Variants in CDCA7 observed in about 807,000 individuals in gnomAD.
CDCA7 encodes the protein cell division cycle associated 7.
CDCA7 carries 28 observed loss-of-function variants against 54.0 expected under a neutral mutation model. That is an observed-to-expected ratio of 0.52 (90% CI 0.38 to 0.71). The LOEUF is 0.71. CDCA7 is among the 30% of genes least tolerant of loss of function. CDCA7 has a pLI of 0.00. For synonymous variants in CDCA7, 180 were observed against 208.2 expected (o/e 0.86, Z 1.16); for missense variants, 484 against 586.0 (o/e 0.83, Z 1.80).
In CDCA7 at chr2:173,354,970, G is replaced by A. The variant is rs573838501; in HGVS notation, c.7G>A (p.Ala3Thr). The change falls in exon 1 of 10, where the codon GCT (alanine) becomes ACT (threonine). Residue 3 changes from alanine (A) to threonine (T), a missense_variant. Physicochemically the swap from Ala to Thr is moderately conservative, Grantham distance 58 (BLOSUM62 0). Transcript: ENST00000306721. MD[A>T]RRVPQKDLRV... ...CTGGGCACCCGCCACCAGCATGGAC[G>A]CTCGCCGCGTGCCGGTGAGGGCTGG... The A allele has an allele frequency of 1.4e-6, 2 of 1,448,868 alleles. No individual in the cohort carries two copies. Among genetic ancestry groups the A allele is most frequent in the Non-Finnish European group, 1.8e-6 (2 of 1,108,774 alleles). 89.8% of individuals were successfully genotyped at this position (1,448,868 alleles called of 1,614,324 possible).
chr2:173,360,363 A>G (rs1253179313), intron 3 of CDCA7, among the ~76,000 whole-genome samples: 1 of 152,214 alleles, frequency 6.6e-6, no homozygotes, highest in Admixed American at 6.5e-5. Flanking sequence ...TTCTTTGAAG[A>G]TACTGTCATG....
Position 173,366,579 on chromosome 2 carries a change from G to A in CDCA7, c.1185+147G>A, listed in dbSNP as rs899684198. On this transcript the variant is annotated intron_variant, in intron 8 of 9. Transcript: ENST00000306721. This position sits in a 1 kb window ranked among gnomAD's most constrained non-coding sequence, Gnocchi z 4.5. Reference sequence around the variant, plus strand: ...TTTTAAGATGGAGTCTCATTCTGTCGCCAGGCTGCAGTGCAGTGGCGCGAT... The same window carrying A: ...TTTTAAGATGGAGTCTCATTCTGTCACCAGGCTGCAGTGCAGTGGCGCGAT... 433 of 1,123,280 alleles carry A rather than the reference G, an allele frequency of 3.9e-4. 1 individual carries two copies. The highest frequency in any genetic ancestry group is 1.1e-4 in the Admixed American group (4 of 36,152). 69.6% of individuals were successfully genotyped at this position (1,123,280 alleles called of 1,614,324 possible). A position where few individuals can be genotyped will look rare whatever the true frequency, so the allele number is the denominator to read the frequency against.
intron 3 of CDCA7, 121 bp downstream of exon 3, chr2:173,359,612 T>G (rs1202988126): frequency 7.3e-6 from 6 of 821,404 alleles, no homozygotes; most frequent in African/African-American, 1.7e-5. Context: ...TGTTGACCTT[T>G]TAAAAATTTT....
intron 3 of CDCA7, among the ~76,000 whole-genome samples, chr2:173,361,329 G>T (rs1158581006): frequency 6.6e-6 from 1 of 152,140 alleles, no homozygotes; most frequent in Non-Finnish European, 1.5e-5. Context: ...GGGTCATGTA[G>T]TAACTGTTTA....
chr2:173,365,641 A>G, intron 7 of CDCA7, 49 bp downstream of exon 7: 4 of 1,597,034 alleles, frequency 2.5e-6, no homozygotes, highest in Non-Finnish European at 2.6e-6. Context: ...TGTGAGAGGA[A>G]GAGAGCTTCT....
intron 3 of CDCA7, among the ~76,000 whole-genome samples, chr2:173,362,817 A>G (rs1322311191): frequency 6.6e-6 from 1 of 151,912 alleles, no homozygotes; most frequent in East Asian, 1.9e-4. Flanking sequence ...GGCTCAAGTG[A>G]TTCACCCGCC....
chr2:173,355,669 ACCCCCCAC>A, intron 1 of CDCA7, among the ~76,000 whole-genome samples: 1 of 66,892 alleles, frequency 1.5e-5, no homozygotes, highest in East Asian at 5.4e-4. Flanking sequence ...CCAACCCCCA[ACCCCCCAC>A]CCCCCACCCC....
At chr2:173,357,261 T>C (rs1477931636) in intron 1 of CDCA7, among the ~76,000 whole-genome samples, 1 of 152,218 alleles carries the variant, frequency 6.6e-6, no homozygotes, top group African/African-American at 2.4e-5. Flanking sequence ...CTGTTCAGTA[T>C]TTATGAATGA....
chr2:173,363,366 G>T lies in CDCA7; in HGVS notation c.525G>T (p.Glu175Asp). Reference protein sequence around the residue: ...NKKAESRQPSENSVTDSNSDS... With the variant: ...NKKAESRQPSDNSVTDSNSDS... ...AAGCAGAGTCCCGCCAGCCCTCAGA[G>T]AATTCTGTGACTGATTCCAACTCCG... is the stretch of plus-strand genomic sequence containing the variant. Residue 175 changes from glutamate (E) to aspartate (D), a missense_variant, in exon 4 of 10, where the codon GAG becomes GAT. By Grantham distance (45) the Glu-to-Asp change is conservative. Coordinates refer to ENST00000306721, the MANE Select transcript of CDCA7 (RefSeq NM_031942.5). 6.2e-7 allele frequency: 1 copy of T among 1,614,176 alleles called. No homozygotes were observed. The highest frequency in any genetic ancestry group is 1.1e-5 in the South Asian group (1 of 91,078).
Position 173,359,416 on chromosome 2 carries a change from G to C in CDCA7, c.309G>C (p.Leu103=), listed in dbSNP as rs775114085. ...CAAGGCCAGATGTCACTAACGAACT[G>C]GCCGGTATTTTTCATGCCGACTCTG... The part of the protein sequence containing the change: ...QKPRPDVTNE[L]AGIFHADSDD... Residue 103 remains leucine, a synonymous_variant, in exon 3 of 10, where the codon CTG becomes CTC. Transcript: ENST00000306721. 2 of 1,614,002 alleles carry C rather than the reference G, an allele frequency of 1.2e-6. No homozygotes were observed. Among genetic ancestry groups the C allele is most frequent in the Non-Finnish European group, 1.7e-6 (2 of 1,180,034 alleles).
chr2:173,357,130 T>C (rs936833663), intron 1 of CDCA7, among the ~76,000 whole-genome samples: 1 of 152,188 alleles, frequency 6.6e-6, no homozygotes, highest in Non-Finnish European at 1.5e-5. Flanking sequence ...ATTTAAGGAA[T>C]AAAAACACAG....
rs1442713791 is a variant in CDCA7, at chr2:173,358,837, G to A, written c.147G>A (p.Thr49=). 7 of 1,611,944 alleles carry A rather than the reference G, an allele frequency of 4.3e-6. No homozygotes were observed. The highest frequency in any genetic ancestry group is 2.2e-5 in the East Asian group (1 of 44,844). ...DSFASDNFAN[T]KPKFRSDISE... ...TTGCTTCTGATAATTTTGCAAACAC[G>A]GTAAGTGCTGCCTGAGAATAAACAG... Residue 49 remains threonine, a splice_region_variant and synonymous_variant, in exon 2 of 10, where the codon ACG becomes ACA. Coordinates refer to ENST00000306721, the MANE Select transcript of CDCA7 (RefSeq NM_031942.5).
At position 173,363,342 on chromosome 2, in the gene CDCA7, A is replaced by G. The variant is rs1686659859; in HGVS notation, c.501A>G (p.Lys167=). The G allele has an allele frequency of 1.2e-6, 2 of 1,614,078 alleles. No individual in the cohort carries two copies. Among genetic ancestry groups the G allele is most frequent in the Admixed American group, 3.3e-5 (2 of 59,998 alleles). The change falls in exon 4 of 10, where the codon AAA becomes AAG. Residue 167 remains lysine (K), a synonymous_variant. Transcript: ENST00000306721. The part of the protein sequence containing the change: ...ARSTRGATNK[K]AESRQPSENS... ...GTACCAGGGGAGCAACCAACAAAAA[A>G]GCAGAGTCCCGCCAGCCCTCAGAGA...
chr2:173,359,344 A>T lies in CDCA7; in HGVS notation c.237A>T (p.Glu79Asp). The T allele has an allele frequency of 6.2e-7, 1 of 1,614,218 alleles. No individual in the cohort carries two copies. The highest frequency in any genetic ancestry group is 1.1e-5 in the South Asian group (1 of 91,082). ...SDNESFCGFS[E>D]SEVQDVLDHC... ...ATGAATCTTTCTGCGGCTTTTCAGA[A>T]AGTGAGGTGCAAGATGTATTAGACC... Residue 79 changes from glutamate (E) to aspartate (D), a missense_variant, in exon 3 of 10, where the codon GAA becomes GAT. By Grantham distance (45) the Glu-to-Asp change is conservative. Around this residue, in one of 3 missense-constraint regions of CDCA7, gnomAD observed 398 missense variants for 447.4 expected, o/e 0.89. Coordinates refer to ENST00000306721, the MANE Select transcript of CDCA7 (RefSeq NM_031942.5).
At chr2:173,363,674 G>C (rs1331815750) in intron 4 of CDCA7, 144 bp from the exon 5 acceptor site, 3 of 952,874 alleles carry the variant, frequency 3.1e-6, no homozygotes, top group Non-Finnish European at 4.8e-6. Flanking sequence ...TAAGTGTATA[G>C]GGGAAATCAG....
At chr2:173,358,073 G>A (rs1339330535) in intron 1 of CDCA7, among the ~76,000 whole-genome samples, 4 of 151,938 alleles carry the variant, frequency 2.6e-5, no homozygotes, top group African/African-American at 4.8e-5. Flanking sequence ...GGTGGCGGGC[G>A]CCTGTAATCC....
chr2:173,357,514 G>A (rs1055356418), intron 1 of CDCA7, among the ~76,000 whole-genome samples: 3 of 152,110 alleles, frequency 2.0e-5, no homozygotes, highest in African/African-American at 4.8e-5. Flanking sequence ...AATCACGATA[G>A]CCCTCTTGAT....
intron 5 of CDCA7, 171 bp downstream of exon 5, chr2:173,364,066 C>A: frequency 1.8e-6 from 1 of 568,178 alleles, no homozygotes; most frequent in Non-Finnish European, 3.0e-6. Flanking sequence ...GAATCCTGGG[C>A]AGTTTGGTCT....
chr2:173,359,891 G>T (rs2106388903), intron 3 of CDCA7, among the ~76,000 whole-genome samples: 1 of 152,322 alleles, frequency 6.6e-6, no homozygotes, highest in South Asian at 2.1e-4. Context: ...ATCTGTGGCT[G>T]CATCTTGAAA....
Sources: allele counts gnomAD v4.1 joint callset (sites outside exome capture counted in the v4.1 genomes callset), GRCh38; gene constraint gnomAD v4.1.1; regional missense constraint gnomAD v4.1.1; non-coding constraint Gnocchi (gnomAD v3.1); transcripts MANE v1.5; gene names NCBI Gene and HGNC (gene_info 2026-07-23, HGNC 2026-07-21).